PAX3: variants seen among roughly 807,000 people sequenced by gnomAD.
PAX3 encodes paired box protein Pax-3.
Under a neutral mutation model 51.6 loss-of-function variants are expected in PAX3, and 14 were observed. That is an observed-to-expected ratio of 0.27 (90% CI 0.18 to 0.42). The LOEUF is 0.42. Ranked by LOEUF, PAX3 falls within the 10% of genes least tolerant of loss-of-function variation. The pLI is 1.00. For synonymous variants in PAX3, 280 were observed against 253.4 expected (o/e 1.11, Z -1.00); for missense variants, 540 against 642.8 (o/e 0.84, Z 1.73).
intron 4 of PAX3, among the ~76,000 whole-genome samples, chr2:222,289,365 C>T (rs1289802062): frequency 6.6e-6 from 1 of 152,154 alleles, no homozygotes; most frequent in Non-Finnish European, 1.5e-5. Flanking sequence ...AAAATATATG[C>T]ATTCATGGAT....
At chr2:222,258,718 C>T (rs994076766) in intron 4 of PAX3, among the ~76,000 whole-genome samples, 1 of 152,146 alleles carries the variant, frequency 6.6e-6, no homozygotes, top group African/African-American at 2.4e-5. Context: ...ACTTGATTTC[C>T]CAACCTCGCA....
intron 4 of PAX3, among the ~76,000 whole-genome samples, chr2:222,238,333 C>T (rs1456483176): frequency 9.9e-5 from 15 of 152,160 alleles, no homozygotes; most frequent in Non-Finnish European, 1.8e-4. Context: ...TCCTAGTTAA[C>T]ACTATTATAC....
At position 222,232,084 on chromosome 2, in the gene PAX3, T is replaced by C. The variant is rs1692618034; in HGVS notation, c.786A>G (p.Arg262=). The part of the protein sequence containing the change: ...LAQRAKLTEA[R]VQVWFSNRRA... The stretch of plus-strand genomic sequence containing the variant: ...GAGGTTTGGGCAACAGTACCTGTAC[T>C]CGGGCCTCGGTGAGCTTCGCCCTCT... The change falls in exon 5 of 9, where the codon CGA becomes CGG. Residue 262 remains arginine (R), a synonymous_variant. Coordinates refer to ENST00000392070, the MANE Select transcript of PAX3 (RefSeq NM_181458.4). 1 of 1,613,682 alleles carries C rather than the reference T, an allele frequency of 6.2e-7. No individual in the cohort carries two copies. The highest frequency in any genetic ancestry group is 1.1e-5 in the South Asian group (1 of 91,072).
chr2:222,294,099 C>T lies in PAX3; in HGVS notation c.586+68G>A, dbSNP rs768947869. 12 of 1,607,550 alleles carry T rather than the reference C, an allele frequency of 7.5e-6. No individual in the cohort carries two copies. In the South Asian group the frequency reaches 8.9e-5, roughly 12 times the overall value. On this transcript the variant is annotated intron_variant, in intron 4 of 8. Coordinates refer to ENST00000392070, the MANE Select transcript of PAX3 (RefSeq NM_181458.4). ...GCTGGGCTTGGCTGCCGTCAGATCACCAATGTCAGCTAGCCGATGCCCTCC... is the reference window on the plus strand; with the variant it reads ...GCTGGGCTTGGCTGCCGTCAGATCATCAATGTCAGCTAGCCGATGCCCTCC...
chr2:222,212,490 C>T (rs1013994239), intron 7 of PAX3, among the ~76,000 whole-genome samples: 1 of 152,116 alleles, frequency 6.6e-6, no homozygotes, highest in African/African-American at 2.4e-5. Context: ...AATCGCTAAT[C>T]TCAGAAACTC....
At chr2:222,277,618 A>G (rs1219942660) in intron 4 of PAX3, among the ~76,000 whole-genome samples, 6 of 152,112 alleles carry the variant, frequency 3.9e-5, no homozygotes, top group Non-Finnish European at 7.4e-5. Flanking sequence ...AAACAGCCCA[A>G]AGCAAATTCA....
chr2:222,211,930 T>C (rs371343021), intron 7 of PAX3, among the ~76,000 whole-genome samples: 4 of 152,160 alleles, frequency 2.6e-5, no homozygotes, highest in African/African-American at 9.7e-5. Context: ...AGAGCCTGCT[T>C]TGGGGAACAA....
intron 7 of PAX3, among the ~76,000 whole-genome samples, chr2:222,206,494 T>G (rs1691515503): frequency 6.6e-6 from 1 of 152,184 alleles, no homozygotes; most frequent in South Asian, 2.1e-4. Flanking sequence ...TAAAAACAAA[T>G]TCAAAGCTTC....
chr2:222,260,580 TTTTTTTTTTTG>T lies in PAX3; in HGVS notation c.587-28308_587-28298del, dbSNP rs1693818649. Among the ~76,000 whole-genome samples, 315 of 48,456 alleles carry T rather than the reference TTTTTTTTTTTG, an allele frequency of 6.5e-3. 9 individuals carry two copies. Among genetic ancestry groups the T allele is most frequent in the South Asian group, 9.4e-3 (11 of 1,174 alleles). 31.8% of individuals were successfully genotyped at this position (48,456 alleles called of 152,430 possible). ...TTTTTTTTTTGTTTTTTTTTTTTGT[TTTTTTTTTTTG>T]TTTTTTTTTTTTTTTTTTGAGGCAA... On this transcript the variant is annotated intron_variant, in intron 4 of 8. Coordinates refer to ENST00000392070, the MANE Select transcript of PAX3 (RefSeq NM_181458.4).
At chr2:222,206,678 C>T (rs1373942659) in intron 7 of PAX3, among the ~76,000 whole-genome samples, 1 of 152,062 alleles carries the variant, frequency 6.6e-6, no homozygotes, top group African/African-American at 2.4e-5. Flanking sequence ...ACAATTGCTC[C>T]ATGCCATATT....
chr2:222,298,326 C>A, intron 1 of PAX3: 1 of 594,350 alleles, frequency 1.7e-6, no homozygotes. Context: ...CCCAGCTCCG[C>A]CAGGATTTGC....
chr2:222,226,832 C>T (rs527386258), intron 5 of PAX3, among the ~76,000 whole-genome samples: 62 of 151,396 alleles, frequency 4.1e-4, no homozygotes, highest in Non-Finnish European at 7.2e-4. Flanking sequence ...AGAAATCATG[C>T]GTTCTACTAG....
rs374296222 is a variant in PAX3, at chr2:222,271,150, T to C, written c.586+23017A>G. ...GAAAAGGACTCCAGCTCAGAACACA[T>C]AGTGACTTTTCCATGATCACAACTA... On this transcript the variant is annotated intron_variant, in intron 4 of 8. Transcript: ENST00000392070. Among the ~76,000 whole-genome samples the C allele has an allele frequency of 1.1e-4, 17 of 152,324 alleles. No homozygotes were observed. The South Asian group carries it at 1.7e-3, about 15-fold the overall frequency.
At chr2:222,260,887 G>A (rs943053406) in intron 4 of PAX3, among the ~76,000 whole-genome samples, 4 of 151,956 alleles carry the variant, frequency 2.6e-5, no homozygotes, top group Admixed American at 6.6e-5. Flanking sequence ...GCACCATGCC[G>A]CAACACAAGA....
chr2:222,232,486 A>G (rs56226425), intron 4 of PAX3, among the ~76,000 whole-genome samples: 417 of 152,300 alleles, frequency 2.7e-3, no homozygotes, highest in Non-Finnish European at 4.0e-3. Flanking sequence ...AATGTCTTCC[A>G]TGGACACCAA....
chr2:222,268,255 G>A (rs1694122229), intron 4 of PAX3, among the ~76,000 whole-genome samples: 1 of 152,172 alleles, frequency 6.6e-6, no homozygotes. Context: ...GCGTGCCTGG[G>A]TTCCTCCTCC....
chr2:222,291,139 G>C (rs1457911056), intron 4 of PAX3, among the ~76,000 whole-genome samples: 1 of 152,184 alleles, frequency 6.6e-6, no homozygotes, highest in Non-Finnish European at 1.5e-5. Flanking sequence ...GGGCCCGCTA[G>C]GCCGAGCCGG....
At chr2:222,232,398 A>C in intron 4 of PAX3, 115 bp from the exon 5 acceptor site, 1 of 827,744 alleles carries the variant, frequency 1.2e-6, no homozygotes, top group Non-Finnish European at 1.9e-6. Flanking sequence ...CCCTATACCT[A>C]AAGTAAAATA....
At chr2:222,249,342 A>G (rs891911361) in intron 4 of PAX3, among the ~76,000 whole-genome samples, 3 of 152,186 alleles carry the variant, frequency 2.0e-5, no homozygotes, top group Non-Finnish European at 2.9e-5. Flanking sequence ...GAAGACATCA[A>G]CAATACCATT....
Sources: allele counts gnomAD v4.1 joint callset (sites outside exome capture counted in the v4.1 genomes callset), GRCh38; gene constraint gnomAD v4.1.1; transcripts MANE v1.5; gene names NCBI Gene and HGNC (gene_info 2026-07-23, HGNC 2026-07-21).